The following MACROD2 variants were observed in gnomAD, a reference collection of about 807,000 sequenced individuals.
MACROD2 encodes the protein ADP-ribose glycohydrolase MACROD2.
MACROD2 carries 36 observed loss-of-function variants against 70.4 expected under a neutral mutation model. The ratio of observed to expected loss-of-function variants is 0.51; its 90% CI spans 0.39 to 0.68. The LOEUF (loss-of-function observed/expected upper bound fraction) is 0.68. Among genes scored for constraint, MACROD2 ranks in the 30% least tolerant of loss-of-function variants. MACROD2 has a pLI of 0.00. For missense variants in MACROD2, 496 were observed against 538.4 expected (o/e 0.92, Z 0.78); for synonymous variants, 172 against 178.8 (o/e 0.96, Z 0.30).
At chr20:14,546,094 A>G (rs184302942) in intron 4 of MACROD2, among the ~76,000 whole-genome samples, 1 of 152,350 alleles carries the variant, frequency 6.6e-6, no homozygotes, top group East Asian at 1.9e-4. Flanking sequence ...CTATGTTTAA[A>G]TAAGTCCAGG....
intron 5 of MACROD2, among the ~76,000 whole-genome samples, chr20:14,792,086 AAG>A (rs2072457333): frequency 1.3e-5 from 2 of 152,008 alleles, no homozygotes; most frequent in Non-Finnish European, 2.9e-5. Context: ...TTTTTAATGA[AAG>A]ATGCATTATA....
At chr20:15,013,856 A>G (rs1212455844) in intron 5 of MACROD2, among the ~76,000 whole-genome samples, 1 of 152,160 alleles carries the variant, frequency 6.6e-6, no homozygotes, top group Non-Finnish European at 1.5e-5. Flanking sequence ...TAGTGACTGA[A>G]ATGAAGCATG....
At chr20:15,809,594 G>C (rs1202443496) in intron 8 of MACROD2, among the ~76,000 whole-genome samples, 1 of 152,086 alleles carries the variant, frequency 6.6e-6, no homozygotes, top group African/African-American at 2.4e-5. Context: ...ACTCTCACAG[G>C]AACTAATGGA....
chr20:14,937,947 C>T (rs1327666523), intron 5 of MACROD2, among the ~76,000 whole-genome samples: 1 of 150,196 alleles, frequency 6.7e-6, no homozygotes, highest in Non-Finnish European at 1.5e-5. Flanking sequence ...CTGTGCTTGG[C>T]TTATTTCACT....
At chr20:15,832,252 A>C (rs1021281178) in intron 8 of MACROD2, among the ~76,000 whole-genome samples, 14 of 152,156 alleles carry the variant, frequency 9.2e-5, no homozygotes, top group African/African-American at 2.9e-4. Flanking sequence ...TAGAAATAAG[A>C]GAGGGAGACA....
At chr20:15,188,169 CT>C (rs1216053458) in intron 5 of MACROD2, among the ~76,000 whole-genome samples, 1 of 152,092 alleles carries the variant, frequency 6.6e-6, no homozygotes, top group Non-Finnish European at 1.5e-5. Flanking sequence ...CTTATTTGAC[CT>C]TTGTTGTCGA....
chr20:14,415,962 A>ATTT (rs11481895), intron 3 of MACROD2, among the ~76,000 whole-genome samples: 24 of 140,282 alleles, frequency 1.7e-4, no homozygotes, highest in African/African-American at 4.5e-4. Context: ...GTTGTCCTCT[A>ATTT]TTTTTTTTTT....
At chr20:15,776,350 T>G (rs1457978948) in intron 8 of MACROD2, among the ~76,000 whole-genome samples, 1 of 152,142 alleles carries the variant, frequency 6.6e-6, no homozygotes, top group African/African-American at 2.4e-5. Flanking sequence ...CCCTGTCCTC[T>G]CCCAAAATAT....
chr20:15,342,385 T>C (rs545247284), intron 6 of MACROD2, among the ~76,000 whole-genome samples: 17 of 152,234 alleles, frequency 1.1e-4, no homozygotes, highest in Non-Finnish European at 2.1e-4. Flanking sequence ...CGACTTGGCT[T>C]GTATTTTGAC....
At chr20:15,394,274 A>G (rs574952975) in intron 6 of MACROD2, among the ~76,000 whole-genome samples, 1 of 152,366 alleles carries the variant, frequency 6.6e-6, no homozygotes, top group Admixed American at 6.5e-5. Context: ...AGAACAAGAA[A>G]GGAAAACAAA....
chr20:15,632,142 C>A (rs1435461596), intron 8 of MACROD2, among the ~76,000 whole-genome samples: 1 of 149,596 alleles, frequency 6.7e-6, no homozygotes, highest in South Asian at 2.1e-4. Context: ...TGAGCTTGAG[C>A]GAGTTTGAGC....
chr20:14,945,700 G>C (rs188430333), intron 5 of MACROD2, among the ~76,000 whole-genome samples: 1 of 152,218 alleles, frequency 6.6e-6, no homozygotes, highest in East Asian at 1.9e-4. Context: ...TGAACTGCGG[G>C]AGACAAAAGC....
At chr20:14,310,340 A>T (rs764815079) in intron 3 of MACROD2, among the ~76,000 whole-genome samples, 1 of 152,158 alleles carries the variant, frequency 6.6e-6, no homozygotes, top group Non-Finnish European at 1.5e-5. Flanking sequence ...AAAAGGTACC[A>T]TAAAATTACA....
intron 3 of MACROD2, among the ~76,000 whole-genome samples, chr20:14,288,552 G>A (rs1387591798): frequency 6.6e-6 from 1 of 152,192 alleles, no homozygotes; most frequent in Non-Finnish European, 1.5e-5. Flanking sequence ...CACCCTGTGG[G>A]ACAGGAGCTG....
At chr20:14,766,357 G>T (rs1297913280) in intron 5 of MACROD2, among the ~76,000 whole-genome samples, 2 of 152,052 alleles carry the variant, frequency 1.3e-5, no homozygotes, top group African/African-American at 2.4e-5. Context: ...ACACGGTTTT[G>T]ACTATTATTA....
At chr20:15,700,849 G>T (rs1050822864) in intron 8 of MACROD2, among the ~76,000 whole-genome samples, 5 of 152,170 alleles carry the variant, frequency 3.3e-5, no homozygotes, top group African/African-American at 1.2e-4. Flanking sequence ...TTGTAATAGA[G>T]ACAAAAGTTA....
chr20:14,093,020 A>T (rs1447087287), intron 3 of MACROD2, among the ~76,000 whole-genome samples: 1 of 152,140 alleles, frequency 6.6e-6, no homozygotes, highest in Non-Finnish European at 1.5e-5. Flanking sequence ...TTTTATATGG[A>T]TTTGTCTAGT....
At chr20:15,316,101 T>TAA (rs57271877) in intron 6 of MACROD2, among the ~76,000 whole-genome samples, 1 of 118,804 alleles carries the variant, frequency 8.4e-6, no homozygotes, top group African/African-American at 3.2e-5. Flanking sequence ...AATGGCACAC[T>TAA]AAAAAAAAAA....
chr20:14,226,828 T>A (rs892341576), intron 3 of MACROD2, among the ~76,000 whole-genome samples: 6 of 152,316 alleles, frequency 3.9e-5, no homozygotes, highest in Admixed American at 1.3e-4. Flanking sequence ...GCCTCCCCGA[T>A]GAGCGCCGCC....
Sources: allele counts gnomAD v4.1 joint callset (sites outside exome capture counted in the v4.1 genomes callset), GRCh38; gene constraint gnomAD v4.1.1; transcripts MANE v1.5; gene names NCBI Gene and HGNC (gene_info 2026-07-23, HGNC 2026-07-21).